Variants in CNST observed in about 807,000 individuals in gnomAD.
The protein encoded by CNST is consortin, connexin sorting protein.
A neutral mutation model predicts 72.4 loss-of-function variants in CNST; 39 were observed. The observed-to-expected ratio is 0.54, with a 90% CI of 0.42 to 0.70. The LOEUF is 0.70. Among genes scored for constraint, CNST ranks in the 30% least tolerant of loss-of-function variants. The pLI, the probability that CNST is intolerant of heterozygous loss-of-function variation, is 0.00. For missense variants in CNST, 871 were observed against 868.5 expected, an observed-to-expected ratio of 1.00 and a Z score of -0.04; for synonymous variants, 332 against 320.1, an observed-to-expected ratio of 1.04 and a Z score of -0.40.
chr1:246,649,664 T>G (rs1226596364), intron 9 of CNST, among the ~76,000 whole-genome samples: 1 of 152,004 alleles, frequency 6.6e-6, no homozygotes, highest in African/African-American at 2.4e-5. Flanking sequence ...ATAAAACGTT[T>G]TCCTCTATTT....
At chr1:246,570,718 A>C (rs1363726619) in intron 1 of CNST, among the ~76,000 whole-genome samples, 5 of 152,242 alleles carry the variant, frequency 3.3e-5, no homozygotes, top group African/African-American at 1.2e-4. Flanking sequence ...ATTTAAAACT[A>C]GATAGCTGTT....
At chr1:246,602,965 G>T (rs1480303671) in intron 2 of CNST, among the ~76,000 whole-genome samples, 3 of 151,698 alleles carry the variant, frequency 2.0e-5, no homozygotes, top group Non-Finnish European at 2.9e-5. Context: ...AGGTGAAAAA[G>T]AAAAGAATTA....
intron 9 of CNST, among the ~76,000 whole-genome samples, chr1:246,650,347 A>G (rs1666380837): frequency 6.6e-6 from 1 of 152,196 alleles, no homozygotes; most frequent in Non-Finnish European, 1.5e-5. Flanking sequence ...AAGAACCCCA[A>G]AAGCTACATA....
At chr1:246,590,288 C>T (rs1661464550) in intron 1 of CNST, among the ~76,000 whole-genome samples, 1 of 152,140 alleles carries the variant, frequency 6.6e-6, no homozygotes. Flanking sequence ...TTTCGCAGGG[C>T]TTCCTCATAC....
At position 246,666,186 on chromosome 1, in the gene CNST, G is replaced by A. The variant is rs1158910607; in HGVS notation, c.*281G>A. The A allele has an allele frequency of 5.5e-6, 2 of 361,454 alleles. No individual in the cohort carries two copies. The highest frequency in any genetic ancestry group is 4.3e-5 in the Admixed American group (1 of 23,074). 22.4% of individuals were successfully genotyped at this position (361,454 alleles called of 1,614,324 possible). On this transcript the variant is annotated 3_prime_UTR_variant, in exon 11 of 11. Transcript: ENST00000366513. ...CTCCTAATGTCATGAGGTACACTGAGCAGAATTAAACAGGGTAGTCTTAAC... is the reference window on the plus strand; with the variant it reads ...CTCCTAATGTCATGAGGTACACTGAACAGAATTAAACAGGGTAGTCTTAAC...
At chr1:246,567,355 T>G (rs1659775712) in intron 1 of CNST, among the ~76,000 whole-genome samples, 1 of 148,882 alleles carries the variant, frequency 6.7e-6, no homozygotes, top group South Asian at 2.1e-4. Context: ...TTGGCAGTCT[T>G]TTTTTTTTTA....
chr1:246,660,175 A>T, intron 9 of CNST, 24 bp from the exon 10 acceptor site: 1 of 1,589,012 alleles, frequency 6.3e-7, no homozygotes, highest in Non-Finnish European at 8.6e-7. Context: ...TAAAAGAATT[A>T]TAGGTTCTTA....
intron 8 of CNST, 94 bp downstream of exon 8, chr1:246,642,131 T>G: frequency 2.4e-6 from 1 of 410,834 alleles, no homozygotes; most frequent in Non-Finnish European, 3.9e-6. Flanking sequence ...GCAAAGGATC[T>G]GGTTTTTTTT....
intron 6 of CNST, 34 bp downstream of exon 6, chr1:246,634,621 G>C (rs755704020): frequency 1.7e-6 from 2 of 1,168,810 alleles, no homozygotes; most frequent in South Asian, 2.7e-5. Context: ...GAATGAGTTG[G>C]AGTAGAATAT....
intron 1 of CNST, among the ~76,000 whole-genome samples, chr1:246,571,392 C>T (rs1001419968): frequency 2.0e-5 from 3 of 152,166 alleles, no homozygotes; most frequent in Non-Finnish European, 2.9e-5. Context: ...TCAAGTGATC[C>T]GCCCACCTCA....
chr1:246,640,669 C>T lies in CNST; in HGVS notation c.819-1080C>T, dbSNP rs568576321. Reference sequence around the variant, plus strand: ...CAGAATCATGGAGAGTAAACTAAAGCTCTGTTTGTTAATAGTGAGACAGTG... The same window carrying T: ...CAGAATCATGGAGAGTAAACTAAAGTTCTGTTTGTTAATAGTGAGACAGTG... On this transcript the variant is annotated intron_variant, in intron 6 of 10. Coordinates refer to ENST00000366513, the MANE Select transcript of CNST (RefSeq NM_152609.3). 2.6e-5 allele frequency among the ~76,000 whole-genome samples: 4 copies of T among 152,220 alleles called. No individual in the cohort carries two copies. In the East Asian group the frequency reaches 7.7e-4, roughly 29 times the overall value.
At chr1:246,567,634 C>A (rs550636033) in intron 1 of CNST, among the ~76,000 whole-genome samples, 1 of 152,140 alleles carries the variant, frequency 6.6e-6, no homozygotes, top group African/African-American at 2.4e-5. Flanking sequence ...GAAGCTCAAG[C>A]GGATAAAGAA....
At chr1:246,611,341 T>C (rs1421708190) in intron 2 of CNST, among the ~76,000 whole-genome samples, 2 of 152,190 alleles carry the variant, frequency 1.3e-5, no homozygotes, top group East Asian at 3.9e-4. Flanking sequence ...TGGATGTTGT[T>C]TTTTTTTAAA....
At chr1:246,605,592 G>A (rs1662680954) in intron 2 of CNST, among the ~76,000 whole-genome samples, 1 of 152,178 alleles carries the variant, frequency 6.6e-6, no homozygotes, top group South Asian at 2.1e-4. Context: ...AAGTGTCCCT[G>A]TCTGATGTAA....
chr1:246,603,187 T>C (rs1164933220), intron 2 of CNST, among the ~76,000 whole-genome samples: 1 of 152,176 alleles, frequency 6.6e-6, no homozygotes, highest in Non-Finnish European at 1.5e-5. Flanking sequence ...TTTTTAAAAG[T>C]TTTTAGATAT....
intron 2 of CNST, 111 bp downstream of exon 2, chr1:246,592,052 C>G: frequency 1.2e-6 from 1 of 845,854 alleles, no homozygotes; most frequent in Non-Finnish European, 1.8e-6. Context: ...TTACGATATT[C>G]TGGAGCTAGT....
intron 1 of CNST, among the ~76,000 whole-genome samples, chr1:246,587,611 A>G (rs1235342132): frequency 6.6e-6 from 1 of 152,218 alleles, no homozygotes; most frequent in Non-Finnish European, 1.5e-5. Flanking sequence ...GGATGTGTTT[A>G]CTTCTCTTTT....
intron 1 of CNST, among the ~76,000 whole-genome samples, chr1:246,575,088 C>T (rs750819459): frequency 2.6e-5 from 4 of 151,898 alleles, no homozygotes; most frequent in Non-Finnish European, 4.4e-5. Flanking sequence ...CTCCACCTCC[C>T]GGGTTCAAGT....
intron 5 of CNST, 101 bp from the exon 6 acceptor site, chr1:246,634,372 A>G (rs1664992202): frequency 1.5e-6 from 1 of 653,856 alleles, no homozygotes; most frequent in African/African-American, 1.8e-5. Flanking sequence ...ATAATTTTGC[A>G]TGCAAATCTT....
Sources: gnomAD v4.1 joint callset for allele counts (sites outside exome capture counted in the v4.1 genomes callset) on GRCh38, gnomAD v4.1.1 for gene constraint, MANE v1.5 for transcripts, NCBI Gene and HGNC (gene_info 2026-07-23, HGNC 2026-07-21) for gene names.